The following ITSN1 variants were observed in gnomAD, a reference collection of about 807,000 sequenced individuals.
ITSN1 encodes the protein intersectin 1.
Under a neutral mutation model 239.8 loss-of-function variants are expected in ITSN1, and 58 were observed. The ratio of observed to expected loss-of-function variants is 0.24; its 90% CI spans 0.20 to 0.30. The LOEUF is 0.30. Ranked by LOEUF, ITSN1 falls within the 10% of genes least tolerant of loss-of-function variation. The pLI is 1.00. For synonymous variants in ITSN1, 780 were observed against 770.8 expected (o/e 1.01, Z -0.20); for missense variants, 1,558 against 2,103.3 (o/e 0.74, Z 5.07).
intron 5 of ITSN1, among the ~76,000 whole-genome samples, chr21:33,739,669 G>C (rs185246458): frequency 2.1e-4 from 32 of 152,312 alleles, no homozygotes; most frequent in African/African-American, 7.7e-4. Flanking sequence ...TAGATGATGA[G>C]AGCCATGTGA....
At chr21:33,684,978 C>T (rs746987937) in intron 1 of ITSN1, among the ~76,000 whole-genome samples, 32 of 152,182 alleles carry the variant, frequency 2.1e-4, no homozygotes, top group Non-Finnish European at 4.0e-4. Context: ...AAAATTTCAA[C>T]ATCTACAAAA....
chr21:33,828,734 T>C (rs2284566), intron 26 of ITSN1, among the ~76,000 whole-genome samples: 16,562 of 152,090 alleles, frequency 0.11, 1,151 homozygotes, highest in East Asian at 0.29. Context: ...CTATTGCTTC[T>C]AGAAGTTCAG....
chr21:33,718,111 A>G (rs1018047808), intron 1 of ITSN1, among the ~76,000 whole-genome samples: 3 of 152,160 alleles, frequency 2.0e-5, no homozygotes, highest in Non-Finnish European at 2.9e-5. Context: ...TCTGATTTTC[A>G]TTTACCTGAT....
chr21:33,819,370 T>C, intron 24 of ITSN1, 47 bp downstream of exon 24: 1 of 1,351,216 alleles, frequency 7.4e-7, no homozygotes. Context: ...TCAAGGACAT[T>C]GTGTAAATGT....
At chr21:33,671,320 A>G (rs917203279) in intron 1 of ITSN1, among the ~76,000 whole-genome samples, 2 of 151,960 alleles carry the variant, frequency 1.3e-5, no homozygotes, top group Non-Finnish European at 2.9e-5. Context: ...CAGAGTTTCA[A>G]TCTTGTCACC....
intron 33 of ITSN1, among the ~76,000 whole-genome samples, chr21:33,870,312 G>A (rs954010558): frequency 5.9e-5 from 9 of 152,092 alleles, no homozygotes; most frequent in Non-Finnish European, 1.2e-4. Flanking sequence ...TTTAAAATAG[G>A]TGTTCTATAT....
chr21:33,759,390 C>G (rs141450279), intron 8 of ITSN1, among the ~76,000 whole-genome samples: 1 of 152,226 alleles, frequency 6.6e-6, no homozygotes, highest in East Asian at 1.9e-4. Context: ...ATCCAAGTCC[C>G]CTGATATCCA....
In ITSN1 at chr21:33,656,770, G is replaced by A. The variant is rs192464129; in HGVS notation, c.-33+14057G>A. On this transcript the variant is annotated intron_variant, in intron 1 of 39. Coordinates refer to ENST00000381318, the MANE Select transcript of ITSN1 (RefSeq NM_003024.3). ...CTATCGCCCAGGCTGGAGCGCAATC[G>A]TGCGATCTCGGCTCACTGCAACCTC... 3.9e-4 allele frequency among the ~76,000 whole-genome samples: 59 copies of A among 152,238 alleles called. No individual in the cohort carries two copies. In the East Asian group the frequency reaches 0.011, roughly 28 times the overall value.
rs373367963 is a variant in ITSN1, at chr21:33,866,205, CTTG to C, written c.4074+877_4074+879del. On this transcript the variant is annotated intron_variant, in intron 32 of 39. Transcript: ENST00000381318. The stretch of plus-strand genomic sequence containing the variant: ...CTTCTTGGTCAGAGCCTCATGTGAG[CTTG>C]TTGTTTCTGCCTCTCATGGTGTTTC... Among the ~76,000 whole-genome samples the C allele has an allele frequency of 7.2e-4, 110 of 152,296 alleles. 3 individuals are homozygous for C. The South Asian group carries it at 0.023, about 32-fold the overall frequency.
At chr21:33,802,681 G>C (rs898574912) in intron 20 of ITSN1, among the ~76,000 whole-genome samples, 1 of 152,146 alleles carries the variant, frequency 6.6e-6, no homozygotes, top group African/African-American at 2.4e-5. Flanking sequence ...TGAATGCTCT[G>C]TGTTTGGCAA....
chr21:33,879,323 C>T (rs1052424493), intron 34 of ITSN1, among the ~76,000 whole-genome samples: 2 of 152,036 alleles, frequency 1.3e-5, no homozygotes, highest in Admixed American at 6.6e-5. Context: ...TATACTCCAA[C>T]GTGGGCAACA....
chr21:33,838,565 G>A (rs2074711888), intron 29 of ITSN1: 7 of 579,448 alleles, frequency 1.2e-5, no homozygotes, highest in Non-Finnish European at 1.5e-5. Flanking sequence ...AAGCAGACTA[G>A]ATGTCAGCAA....
intron 1 of ITSN1, among the ~76,000 whole-genome samples, chr21:33,679,783 C>T (rs557450429): frequency 6.9e-4 from 103 of 148,378 alleles, no homozygotes; most frequent in African/African-American, 2.4e-3. Context: ...CTGCAAGCTC[C>T]GCCTCCCAGG....
Position 33,813,770 on chromosome 21 carries a change from A to ATTTT in ITSN1, c.2568-139_2568-136dup, listed in dbSNP as rs1040637058. 4 of 553,688 alleles carry ATTTT rather than the reference A, an allele frequency of 7.2e-6. No homozygotes were observed. In the East Asian group the frequency reaches 9.6e-5, roughly 13 times the overall value. The allele number at this position is 553,688 out of a possible 1,614,324, so 34.3% of individuals were successfully genotyped here. ...TTTTTCCTCTTTTATTTATTTATTT[A>ATTTT]TTTTTTTGGTACTTTACTGTGGGTA... On this transcript the variant is annotated intron_variant, in intron 21 of 39. Coordinates refer to ENST00000381318, the MANE Select transcript of ITSN1 (RefSeq NM_003024.3).
intron 1 of ITSN1, among the ~76,000 whole-genome samples, chr21:33,671,903 T>C (rs1456695686): frequency 6.6e-6 from 1 of 152,238 alleles, no homozygotes; most frequent in Non-Finnish European, 1.5e-5. Flanking sequence ...TGTACATTTG[T>C]AGTTTTTTTC....
intron 1 of ITSN1, among the ~76,000 whole-genome samples, chr21:33,666,436 T>A (rs1370656714): frequency 6.6e-6 from 1 of 151,280 alleles, no homozygotes; most frequent in Non-Finnish European, 1.5e-5. Context: ...CAGTAAATTT[T>A]ATGTTATTTG....
chr21:33,824,515 G>A (rs566688251), intron 25 of ITSN1, among the ~76,000 whole-genome samples: 2 of 152,250 alleles, frequency 1.3e-5, no homozygotes, highest in East Asian at 3.9e-4. Flanking sequence ...GGTACTGAGA[G>A]AGAAAAGGCT....
At chr21:33,712,282 A>G (rs187685322) in intron 1 of ITSN1, among the ~76,000 whole-genome samples, 204 of 152,092 alleles carry the variant, frequency 1.3e-3, no homozygotes, top group African/African-American at 4.7e-3. Context: ...TTCATGTTGT[A>G]TAGATGTTGT....
chr21:33,835,572 G>A (rs1413736464), intron 28 of ITSN1, among the ~76,000 whole-genome samples: 3 of 152,176 alleles, frequency 2.0e-5, no homozygotes, highest in Admixed American at 6.5e-5. Flanking sequence ...GTTCTTGAGG[G>A]TGGAGATTTC....
Sources: gnomAD v4.1 joint callset for allele counts (sites outside exome capture counted in the v4.1 genomes callset) on GRCh38, gnomAD v4.1.1 for gene constraint, MANE v1.5 for transcripts, NCBI Gene and HGNC (gene_info 2026-07-23, HGNC 2026-07-21) for gene names.